FSTL4: variants seen among roughly 807,000 people sequenced by gnomAD.
The protein encoded by FSTL4 is follistatin like 4, also known as follistatin-related protein 4.
FSTL4 carries 28 observed loss-of-function variants against 78.2 expected under a neutral mutation model. That is an observed-to-expected ratio of 0.36 (90% CI 0.27 to 0.49). The LOEUF (loss-of-function observed/expected upper bound fraction) is 0.49. Among genes scored for constraint, FSTL4 ranks in the 20% least tolerant of loss-of-function variants. The pLI is 0.98. For missense variants in FSTL4, 922 were observed against 1,084.9 expected (o/e 0.85, Z 2.11); for synonymous variants, 422 against 440.5 (o/e 0.96, Z 0.53).
chr5:133,806,224 A>T, the FSTL4 span, among the ~76,000 whole-genome samples: 1 of 152,116 alleles, frequency 6.6e-6, no homozygotes, highest in African/African-American at 2.4e-5. Context: ...CTTTGACAAC[A>T]TTATCTGTGT....
At chr5:133,362,118 A>C (rs1755085537) in intron 4 of FSTL4, among the ~76,000 whole-genome samples, 1 of 152,212 alleles carries the variant, frequency 6.6e-6, no homozygotes, top group Non-Finnish European at 1.5e-5. Flanking sequence ...ATGGCAACAC[A>C]GTGTTGTGGC....
chr5:133,415,615 A>G (rs1756564678), intron 3 of FSTL4, among the ~76,000 whole-genome samples: 1 of 152,090 alleles, frequency 6.6e-6, no homozygotes, highest in Admixed American at 6.6e-5. Context: ...GTGGGGGTCA[A>G]AGCCACCACG....
intron 6 of FSTL4, among the ~76,000 whole-genome samples, chr5:133,302,674 G>A (rs1753571481): frequency 6.6e-6 from 1 of 152,178 alleles, no homozygotes; most frequent in Non-Finnish European, 1.5e-5. Context: ...GTGACTGCAG[G>A]TTCCATGTCC....
chr5:133,418,183 T>A (rs964187131), intron 3 of FSTL4, among the ~76,000 whole-genome samples: 1 of 151,616 alleles, frequency 6.6e-6, no homozygotes, highest in African/African-American at 2.4e-5. Flanking sequence ...TTTAAAAAAA[T>A]TATGAATGTA....
chr5:133,539,318 A>C (rs1759420153), intron 3 of FSTL4, among the ~76,000 whole-genome samples: 1 of 152,074 alleles, frequency 6.6e-6, no homozygotes, highest in Non-Finnish European at 1.5e-5. Context: ...ATATCCCCAA[A>C]TCTATTAGTG....
At chr5:133,485,432 T>C (rs888034048) in intron 3 of FSTL4, among the ~76,000 whole-genome samples, 9 of 152,232 alleles carry the variant, frequency 5.9e-5, no homozygotes, top group Non-Finnish European at 1.0e-4. Flanking sequence ...CAGCCTGTGT[T>C]GGCAACAGCT....
chr5:133,468,057 C>G (rs1424173003), intron 3 of FSTL4, among the ~76,000 whole-genome samples: 1 of 152,202 alleles, frequency 6.6e-6, no homozygotes, highest in Non-Finnish European at 1.5e-5. Context: ...CAGGCAGGAG[C>G]CTCTCAGCAA....
intron 4 of FSTL4, among the ~76,000 whole-genome samples, chr5:133,390,630 T>C (rs1755825076): frequency 6.6e-6 from 1 of 152,214 alleles, no homozygotes; most frequent in Admixed American, 6.5e-5. Flanking sequence ...CCACAGACCT[T>C]ACATTCAGTT....
the FSTL4 span, among the ~76,000 whole-genome samples, chr5:133,815,785 T>G: frequency 6.6e-6 from 1 of 152,082 alleles, no homozygotes; most frequent in Non-Finnish European, 1.5e-5. Flanking sequence ...GCGGGAAAGT[T>G]TAGGTGATTG....
chr5:133,826,504 T>C, the FSTL4 span, among the ~76,000 whole-genome samples: 3 of 152,178 alleles, frequency 2.0e-5, no homozygotes, highest in African/African-American at 7.2e-5. Flanking sequence ...CTGGTGGCCA[T>C]CAGCATTCCT....
chr5:133,576,715 C>T (rs77807942), intron 2 of FSTL4, among the ~76,000 whole-genome samples: 2 of 152,314 alleles, frequency 1.3e-5, no homozygotes, highest in East Asian at 3.9e-4. Context: ...CCTGAAGACA[C>T]ACAAAAGGAA....
rs1346496191 is a variant in FSTL4, at chr5:133,199,727, T to G, written c.1897A>C (p.Lys633Gln). 1 of 1,608,778 alleles carries G rather than the reference T, an allele frequency of 6.2e-7. No homozygotes were observed. Among genetic ancestry groups the G allele is most frequent in the African/African-American group, 1.3e-5 (1 of 74,862 alleles). ...KVDLETMMPL[K>Q]TIGLHHHGCV... ...CCATGGTGGTGCAGGCCGATGGTCT[T>G]GAGGGGCATCATTGTTTCCAGGTCC... Residue 633 changes from lysine (K) to glutamine (Q), a missense_variant, in exon 16 of 16, where the codon AAG becomes CAG. Physicochemically the swap from Lys to Gln is moderately conservative, Grantham distance 53 (BLOSUM62 1). Coordinates refer to ENST00000265342, the MANE Select transcript of FSTL4 (RefSeq NM_015082.2). The surrounding 1 kb of genome is among the most constrained non-coding windows in gnomAD (Gnocchi z 4.4).
chr5:133,602,894 C>T (rs1205098564), intron 2 of FSTL4, among the ~76,000 whole-genome samples: 1 of 152,144 alleles, frequency 6.6e-6, no homozygotes, highest in African/African-American at 2.4e-5. Flanking sequence ...ATGCATTAAT[C>T]CTACCCTACA....
intron 4 of FSTL4, among the ~76,000 whole-genome samples, chr5:133,376,520 G>C (rs916841915): frequency 3.9e-5 from 6 of 151,986 alleles, no homozygotes; most frequent in African/African-American, 1.5e-4. Flanking sequence ...AAATATAAAT[G>C]GTGAAATGAT....
intron 3 of FSTL4, among the ~76,000 whole-genome samples, chr5:133,473,575 T>C (rs1187142796): frequency 6.6e-6 from 1 of 152,232 alleles, no homozygotes; most frequent in Non-Finnish European, 1.5e-5. Context: ...ACACATTACC[T>C]ACATATGCTT....
At chr5:133,341,027 C>T (rs560325556) in intron 4 of FSTL4, among the ~76,000 whole-genome samples, 42 of 152,128 alleles carry the variant, frequency 2.8e-4, no homozygotes, top group Admixed American at 1.6e-3. Context: ...TGCCTGAGGG[C>T]GCTCCAAAGT....
chr5:133,558,030 T>C (rs1759825405), intron 3 of FSTL4, among the ~76,000 whole-genome samples: 1 of 152,166 alleles, frequency 6.6e-6, no homozygotes, highest in African/African-American at 2.4e-5. Context: ...AAATGCTCTC[T>C]CTATGTTGCG....
chr5:133,253,176 C>A (rs17166460), intron 6 of FSTL4, among the ~76,000 whole-genome samples: 1 of 152,176 alleles, frequency 6.6e-6, no homozygotes, highest in South Asian at 2.1e-4. Context: ...CCGTTATTTC[C>A]TGGTCAACAA....
the FSTL4 span, among the ~76,000 whole-genome samples, chr5:133,743,067 A>C: frequency 6.6e-6 from 1 of 152,284 alleles, no homozygotes; most frequent in South Asian, 2.1e-4. Context: ...CTCTCCTAGG[A>C]AGAAATATAC....
Sources: gnomAD v4.1 joint callset for allele counts (sites outside exome capture counted in the v4.1 genomes callset) on GRCh38, gnomAD v4.1.1 for gene constraint, Gnocchi (gnomAD v3.1) non-coding constraint, MANE v1.5 for transcripts, NCBI Gene and HGNC (gene_info 2026-07-23, HGNC 2026-07-21) for gene names.